The following SCGB1D4 variants were observed in gnomAD, a reference collection of about 807,000 sequenced individuals.
SCGB1D4 encodes the protein secretoglobin family 1D member 4, also known as IFN-gamma inducible SCGB (IIS).
A neutral mutation model predicts 8.1 loss-of-function variants in SCGB1D4; 6 were observed. The ratio of observed to expected loss-of-function variants is 0.74; its 90% CI spans 0.40 to 1.45. SCGB1D4 has a LOEUF of 1.45. Ranked by LOEUF, SCGB1D4 falls within the 40% of genes most tolerant of loss-of-function variation. The pLI is 0.02. For missense variants in SCGB1D4, 93 were observed against 95.0 expected, an observed-to-expected ratio of 0.98 and a Z score of 0.09; for synonymous variants, 34 against 38.1, an observed-to-expected ratio of 0.89 and a Z score of 0.39.
intron 1 of SCGB1D4, among the ~76,000 whole-genome samples, chr11:62,298,272 A>C (rs997276207): frequency 6.6e-6 from 1 of 151,936 alleles, no homozygotes; most frequent in African/African-American, 2.4e-5. Context: ...TGATAAGAGG[A>C]GGCTCAAGGA....
chr11:62,299,025 C>A lies in SCGB1D4; in HGVS notation c.-15G>T. The A allele has an allele frequency of 6.2e-7, 1 of 1,612,436 alleles. No individual in the cohort carries two copies. Among genetic ancestry groups the A allele is most frequent in the Non-Finnish European group, 8.5e-7 (1 of 1,179,144 alleles). ...GACAGCCTCATGGTGGCTTATTCGG[C>A]TGTGAGCTCAGCTTTCACAATGAGT... On this transcript the variant is annotated 5_prime_UTR_variant, in exon 1 of 3. Transcript: ENST00000358585.
At position 62,297,612 on chromosome 11, in the gene SCGB1D4, G is replaced by A. The variant is rs192454700; in HGVS notation, c.102C>T (p.Phe34=). 1 of 1,614,048 alleles carries A rather than the reference G, an allele frequency of 6.2e-7. No individual in the cohort carries two copies. The highest frequency in any genetic ancestry group is 1.3e-5 in the African/African-American group (1 of 75,030). ...CPAVASEITV[F]LFLSDAAVNL... ...TTACCGCAGCGTCACTTAAGAATAA[G>A]AAGACTGTGATCTCAGAAGCAACAG... The change falls in exon 2 of 3, where the codon TTC becomes TTT. Residue 34 remains phenylalanine, a synonymous_variant. Coordinates refer to ENST00000358585, the MANE Select transcript of SCGB1D4 (RefSeq NM_206998.2).
chr11:62,297,384 T>C, intron 2 of SCGB1D4, 88 bp downstream of exon 2: 3 of 1,052,248 alleles, frequency 2.9e-6, no homozygotes, highest in Non-Finnish European at 2.9e-6. Flanking sequence ...GGACACAGCA[T>C]CCAGGCAGGT....
intron 2 of SCGB1D4, 91 bp downstream of exon 2, chr11:62,297,381 G>T: frequency 9.7e-7 from 1 of 1,027,426 alleles, no homozygotes; most frequent in Non-Finnish European, 1.5e-6. Context: ...TGGGGACACA[G>T]CATCCAGGCA....
chr11:62,297,698 G>A (rs1311932132), intron 1 of SCGB1D4, 40 bp from the exon 2 acceptor site: 3 of 1,577,444 alleles, frequency 1.9e-6, no homozygotes, highest in Non-Finnish European at 2.6e-6. Context: ...TGTTAGGAAA[G>A]TCGATTTTTC....
chr11:62,297,204 C>T (rs2134520939), intron 2 of SCGB1D4, among the ~76,000 whole-genome samples: 1 of 152,312 alleles, frequency 6.6e-6, no homozygotes, highest in East Asian at 1.9e-4. Context: ...CAAGCCTCCT[C>T]TCCCTGTTCA....
In SCGB1D4 at chr11:62,297,458, G is replaced by A. The variant is rs1457638545; in HGVS notation, c.242+14C>T. 6.2e-7 allele frequency: 1 copy of A among 1,600,688 alleles called. No homozygotes were observed. Among genetic ancestry groups the A allele is most frequent in the South Asian group, 1.1e-5 (1 of 90,250 alleles). ...AGTTGAATTCTGCCTCTGCATAAAG[G>A]AGAAAGAAATTACCAGGACTTTTTC... On this transcript the variant is annotated intron_variant, in intron 2 of 2. Coordinates refer to ENST00000358585, the MANE Select transcript of SCGB1D4 (RefSeq NM_206998.2).
intron 1 of SCGB1D4, among the ~76,000 whole-genome samples, chr11:62,298,651 A>G (rs1359049881): frequency 1.3e-5 from 2 of 151,362 alleles, no homozygotes; most frequent in Non-Finnish European, 2.9e-5. Context: ...CCAGCTGCTC[A>G]GGAAGGCTGA....
chr11:62,298,869 C>G (rs1945465964), intron 1 of SCGB1D4, 87 bp downstream of exon 1: 1 of 1,388,166 alleles, frequency 7.2e-7, no homozygotes, highest in South Asian at 1.3e-5. Flanking sequence ...TGTGCAGACC[C>G]CAACCCAAAG....
rs1190942527 is a variant in SCGB1D4 at position 62,296,282 on chromosome 11, G to A, written c.*128C>T. 2.3e-6 allele frequency: 2 copies of A among 858,598 alleles called. No homozygotes were observed. Among genetic ancestry groups the A allele is most frequent in the Non-Finnish European group, 4.0e-6 (2 of 500,208 alleles). 53.2% of individuals were successfully genotyped at this position (858,598 alleles called of 1,614,324 possible). On this transcript the variant is annotated 3_prime_UTR_variant, in exon 3 of 3. Coordinates refer to ENST00000358585, the MANE Select transcript of SCGB1D4 (RefSeq NM_206998.2). The stretch of plus-strand genomic sequence containing the variant: ...ATCATAACAAGACCAGTGGAGATGT[G>A]CAGGGCAAGTGATTTATTAAAGCAA...
Position 62,297,493 on chromosome 11 carries a change from CG to C in SCGB1D4, c.220del (p.Arg74AspfsTer4). 1 of 1,611,226 alleles carries C rather than the reference CG, an allele frequency of 6.2e-7. No homozygotes were observed. Among genetic ancestry groups the C allele is most frequent in the Admixed American group, 1.7e-5 (1 of 59,326 alleles). On this transcript the variant is annotated frameshift_variant, in exon 2 of 3. Coordinates refer to ENST00000358585, the MANE Select transcript of SCGB1D4 (RefSeq NM_206998.2). LOFTEE classifies it low-confidence loss of function (END_TRUNC). ...HCTDQISFKK[R>X]LSLKKSWWK ...TTACCAGGACTTTTTCAATGAGAGT[CG>C]TTTCTTAAAAGATATCTGATCGGTG...
chr11:62,298,249 C>T (rs1386106528), intron 1 of SCGB1D4, among the ~76,000 whole-genome samples: 2 of 151,878 alleles, frequency 1.3e-5, no homozygotes, highest in Non-Finnish European at 1.5e-5. Context: ...CTGGCAGAAG[C>T]TTTAACCACC....
intron 2 of SCGB1D4, 27 bp from the exon 3 acceptor site, chr11:62,296,446 A>G (rs1565139182): frequency 6.2e-7 from 1 of 1,609,008 alleles, no homozygotes. Context: ...GAAAGAAAGA[A>G]AGAAAGGTGA....
intron 2 of SCGB1D4, among the ~76,000 whole-genome samples, chr11:62,297,033 G>A (rs2463835): frequency 0.046 from 6,979 of 152,238 alleles, 335 homozygotes; most frequent in East Asian, 0.12. Flanking sequence ...GTAGAGCAGC[G>A]AAAAAGTCTT....
intron 1 of SCGB1D4, among the ~76,000 whole-genome samples, chr11:62,298,626 C>T (rs539774025): frequency 2.0e-5 from 3 of 151,888 alleles, no homozygotes; most frequent in African/African-American, 7.2e-5. Context: ...GCTGTGGTGG[C>T]CCATGCCTGT....
rs1007670011 is a variant in SCGB1D4, at chr11:62,296,571, C to G, written c.243-152G>C. 4.0e-6 allele frequency: 3 copies of G among 746,752 alleles called. No homozygotes were observed. In the African/African-American group the frequency reaches 5.3e-5, roughly 13 times the overall value. The allele number at this position is 746,752 out of a possible 1,614,324, so 46.3% of individuals were successfully genotyped here. On this transcript the variant is annotated intron_variant, in intron 2 of 2. Transcript: ENST00000358585. ...AGAATTCAGTTTGGGAAACTGAGGC[C>G]TAGACCTGGTGGCCTTACAACACCC...
chr11:62,297,038 A>C (rs979157086), intron 2 of SCGB1D4, among the ~76,000 whole-genome samples: 1 of 152,198 alleles, frequency 6.6e-6, no homozygotes, highest in Admixed American at 6.5e-5. Context: ...GCAGCGAAAA[A>C]GTCTTGGCCC....
In SCGB1D4 at chr11:62,299,045, A is replaced by G. The variant is rs1248597818; in HGVS notation, c.-35T>C. ...TTCGGCTGTGAGCTCAGCTTTCACA[A>G]TGAGTGATTTGGATTCGACTCCAGG... On this transcript the variant is annotated 5_prime_UTR_variant, in exon 1 of 3. Coordinates refer to ENST00000358585, the MANE Select transcript of SCGB1D4 (RefSeq NM_206998.2). 1 of 1,608,558 alleles carries G rather than the reference A, an allele frequency of 6.2e-7. No homozygotes were observed. The highest frequency in any genetic ancestry group is 2.2e-5 in the East Asian group (1 of 44,806).
intron 1 of SCGB1D4, among the ~76,000 whole-genome samples, chr11:62,297,908 C>A (rs1172422223): frequency 6.6e-6 from 1 of 151,960 alleles, no homozygotes; most frequent in East Asian, 1.9e-4. Context: ...AATGCAGTGG[C>A]ACAATCTCGG....
Sources: allele counts gnomAD v4.1 joint callset (sites outside exome capture counted in the v4.1 genomes callset), GRCh38; gene constraint gnomAD v4.1.1; transcripts MANE v1.5; gene names NCBI Gene and HGNC (gene_info 2026-07-23, HGNC 2026-07-21).